The following LTBP1 variants were observed in gnomAD, a reference collection of about 807,000 sequenced individuals.
The protein encoded by LTBP1 is latent transforming growth factor beta binding protein 1.
LTBP1 carries 129 observed loss-of-function variants against 207.6 expected under a neutral mutation model. That is an observed-to-expected ratio of 0.62 (90% CI 0.54 to 0.72). The LOEUF (loss-of-function observed/expected upper bound fraction) is 0.72. Ranked by LOEUF, LTBP1 falls within the 30% of genes least tolerant of loss-of-function variation. The pLI is 0.00. For synonymous variants in LTBP1, 963 were observed against 833.7 expected (o/e 1.16, Z -2.67); for missense variants, 2,281 against 2,217.2 (o/e 1.03, Z -0.58).
chr2:33,013,551 T>C (rs1013317182), intron 2 of LTBP1, among the ~76,000 whole-genome samples: 2 of 152,204 alleles, frequency 1.3e-5, no homozygotes, highest in African/African-American at 4.8e-5. Flanking sequence ...TGTAGATAGA[T>C]ATTTTAACTT....
intron 28 of LTBP1, among the ~76,000 whole-genome samples, chr2:33,362,583 G>A (rs2094938860): frequency 6.6e-6 from 1 of 152,000 alleles, no homozygotes; most frequent in African/African-American, 2.4e-5. Context: ...AAGAAGATTG[G>A]ATTCAGATCC....
rs115310202 is a variant in LTBP1 at position 33,365,907 on chromosome 2, G to A, written c.4711+404G>A. 2.4e-3 allele frequency among the ~76,000 whole-genome samples: 360 copies of A among 152,270 alleles called. 1 individual carries two copies. Among genetic ancestry groups the A allele is most frequent in the African/African-American group, 8.4e-3 (347 of 41,550 alleles). On this transcript the variant is annotated intron_variant, in intron 31 of 33. Coordinates refer to ENST00000404816, the MANE Select transcript of LTBP1 (RefSeq NM_206943.4). ...CGGTAGAAAATCATTCTAGGTCAAA[G>A]TCCAAATTTTCATGTCAATCTCTGT...
intron 31 of LTBP1, among the ~76,000 whole-genome samples, chr2:33,377,790 G>A (rs2095159533): frequency 6.6e-6 from 1 of 152,170 alleles, no homozygotes; most frequent in Non-Finnish European, 1.5e-5. Context: ...GGCCTCAGGA[G>A]ACTTATAATT....
At chr2:33,110,223 T>C (rs570667375) in intron 3 of LTBP1, among the ~76,000 whole-genome samples, 35 of 152,350 alleles carry the variant, frequency 2.3e-4, no homozygotes, top group African/African-American at 8.4e-4. Flanking sequence ...CCTGAGTAGC[T>C]AGGACTACAG....
Position 33,110,592 on chromosome 2 carries a change from C to G in LTBP1, c.874C>G (p.Leu292Val), listed in dbSNP as rs768903642. ...TTTGTTTCTTCCCAGAGTGACTCCT[C>G]TTTCTTCCCAGAGTGTGGTGATTCA... is the stretch of plus-strand genomic sequence containing the variant. The part of the protein sequence containing the change: ...PQQIHSQVTP[L>V]SSQSVVIHHG... Residue 292 changes from leucine (L) to valine (V), a missense_variant, in exon 4 of 34, where the codon CTT (leucine) becomes GTT (valine). Transcript: ENST00000404816. 21 of 1,613,042 alleles carry G rather than the reference C, an allele frequency of 1.3e-5. No individual in the cohort carries two copies. Among genetic ancestry groups the G allele is most frequent in the Non-Finnish European group, 1.7e-5 (20 of 1,179,540 alleles).
In LTBP1 at chr2:33,259,534, A is replaced by G. The variant is rs1014344048; in HGVS notation, c.2396-54A>G. The stretch of plus-strand genomic sequence containing the variant: ...ATTGTTTTTTAAGAATTGAAATATA[A>G]TAGACTGAATTGTCTTAAATGGTAC... On this transcript the variant is annotated intron_variant, in intron 12 of 33. Coordinates refer to ENST00000404816, the MANE Select transcript of LTBP1 (RefSeq NM_206943.4). 21 of 1,287,552 alleles carry G rather than the reference A, an allele frequency of 1.6e-5. No homozygotes were observed. In the South Asian group the frequency reaches 2.3e-4, roughly 14 times the overall value. 79.8% of individuals were successfully genotyped at this position (1,287,552 alleles called of 1,614,324 possible). A position where few individuals can be genotyped will look rare whatever the true frequency, so the allele number is the denominator to read the frequency against.
In LTBP1 at chr2:33,064,560, T is replaced by C. The variant is rs920540669; in HGVS notation, c.863+43354T>C. ...CTCGTGTAGTAGGTTTGTGTCGCAG[T>C]TGAGGAACCCTGAGCTTAGGAAATA... is the stretch of plus-strand genomic sequence containing the variant. On this transcript the variant is annotated intron_variant, in intron 3 of 33. Transcript: ENST00000404816. Among the ~76,000 whole-genome samples the C allele has an allele frequency of 2.6e-5, 4 of 152,306 alleles. No individual in the cohort carries two copies. The East Asian group carries it at 7.7e-4, about 29-fold the overall frequency.
chr2:33,364,861 T>C (rs2094965942), intron 30 of LTBP1, among the ~76,000 whole-genome samples: 1 of 152,230 alleles, frequency 6.6e-6, no homozygotes. Flanking sequence ...GGAGACTGCT[T>C]TGGATGAAGT....
intron 19 of LTBP1, among the ~76,000 whole-genome samples, chr2:33,282,769 G>A (rs1397206770): frequency 6.6e-6 from 1 of 152,176 alleles, no homozygotes; most frequent in Non-Finnish European, 1.5e-5. Context: ...TGGGGATTGA[G>A]AGTGACTAAA....
intron 3 of LTBP1, among the ~76,000 whole-genome samples, chr2:33,074,641 C>T (rs2077978051): frequency 6.6e-6 from 1 of 152,086 alleles, no homozygotes; most frequent in African/African-American, 2.4e-5. Flanking sequence ...AAGGCCGAGG[C>T]AGGCAAATCA....
intron 7 of LTBP1, among the ~76,000 whole-genome samples, chr2:33,206,319 A>G (rs1445129489): frequency 6.6e-6 from 1 of 152,222 alleles, no homozygotes; most frequent in East Asian, 1.9e-4. Context: ...CTGAAAGCTT[A>G]ACCAAATGAG....
At chr2:33,232,607 G>A (rs1177656721) in intron 9 of LTBP1, among the ~76,000 whole-genome samples, 5 of 152,012 alleles carry the variant, frequency 3.3e-5, no homozygotes, top group Non-Finnish European at 5.9e-5. Context: ...CTTTTGGGGA[G>A]GATTTGCCAA....
chr2:33,358,717 AT>A (rs2094893545), intron 26 of LTBP1, among the ~76,000 whole-genome samples: 1 of 152,118 alleles, frequency 6.6e-6, no homozygotes, highest in African/African-American at 2.4e-5. Flanking sequence ...AGCTAGCTAC[AT>A]TTTTGGACCA....
chr2:33,122,845 T>G (rs1279980435), intron 4 of LTBP1, among the ~76,000 whole-genome samples: 2 of 152,174 alleles, frequency 1.3e-5, no homozygotes, highest in Non-Finnish European at 2.9e-5. Context: ...TTGAGACGTC[T>G]ATCTCCTTCT....
intron 3 of LTBP1, among the ~76,000 whole-genome samples, chr2:33,038,319 T>C (rs2076023953): frequency 6.6e-6 from 1 of 152,184 alleles, no homozygotes; most frequent in Non-Finnish European, 1.5e-5. Context: ...GGTTTTTTGG[T>C]TTCCCCTGCA....
intron 3 of LTBP1, among the ~76,000 whole-genome samples, chr2:33,070,796 T>C (rs1355258153): frequency 6.6e-6 from 1 of 152,158 alleles, no homozygotes; most frequent in East Asian, 1.9e-4. Context: ...GAGACCCCAG[T>C]AGAGAAGGCA....
intron 15 of LTBP1, among the ~76,000 whole-genome samples, chr2:33,269,039 C>T (rs190544854): frequency 5.3e-4 from 81 of 152,248 alleles, no homozygotes; most frequent in East Asian, 5.8e-4. Context: ...ACTGTGTATG[C>T]GGATAGAAAA....
At chr2:33,246,904 C>T (rs1437415890) in intron 10 of LTBP1, among the ~76,000 whole-genome samples, 1 of 152,198 alleles carries the variant, frequency 6.6e-6, no homozygotes, top group Non-Finnish European at 1.5e-5. Context: ...TAGGAGCATT[C>T]TCCAGACATG....
chr2:33,200,446 T>C (rs1302204517), intron 7 of LTBP1, among the ~76,000 whole-genome samples: 7 of 152,186 alleles, frequency 4.6e-5, no homozygotes, highest in Admixed American at 3.3e-4. Flanking sequence ...AAACTGGATC[T>C]CTTCTTTATA....
Sources: allele counts gnomAD v4.1 joint callset (sites outside exome capture counted in the v4.1 genomes callset), GRCh38; gene constraint gnomAD v4.1.1; transcripts MANE v1.5; gene names NCBI Gene and HGNC (gene_info 2026-07-23, HGNC 2026-07-21).